Variants in BRD3 observed in about 807,000 individuals in gnomAD.
BRD3 encodes bromodomain containing 3, also known as bromodomain-containing protein 3.
BRD3 carries 17 observed loss-of-function variants against 66.8 expected under a neutral mutation model. The observed-to-expected ratio is 0.25, with a 90% CI of 0.17 to 0.38. The LOEUF is 0.38. Among genes scored for constraint, BRD3 ranks in the 10% least tolerant of loss-of-function variants. The probability of loss-of-function intolerance (pLI) is 1.00; values close to 1 mark genes in which losing one functional copy is unlikely to be tolerated. For missense variants in BRD3, 713 were observed against 956.1 expected (o/e 0.75, Z 3.35); for synonymous variants, 421 against 393.2 (o/e 1.07, Z -0.84).
At chr9:134,051,964 C>T (rs1187556586) in intron 3 of BRD3, among the ~76,000 whole-genome samples, 1 of 148,420 alleles carries the variant, frequency 6.7e-6, no homozygotes, top group Admixed American at 6.8e-5. Context: ...GATCTCGGCT[C>T]ACTGCAACCT....
chr9:134,036,940 G>A (rs1564547813), intron 9 of BRD3, among the ~76,000 whole-genome samples: 2 of 152,150 alleles, frequency 1.3e-5, no homozygotes, highest in Non-Finnish European at 2.9e-5. Flanking sequence ...GAACCAGGGA[G>A]GCGGAGGCTG....
chr9:134,066,421 C>A (rs1830655049), intron 1 of BRD3, among the ~76,000 whole-genome samples: 1 of 152,212 alleles, frequency 6.6e-6, no homozygotes, highest in Admixed American at 6.5e-5. Flanking sequence ...GGCTCCCTAA[C>A]CCCCGAGGCC....
At position 134,031,791 on chromosome 9, in the gene BRD3, A is replaced by G. The variant is rs75833842; in HGVS notation, c.*1799T>C. On this transcript the variant is annotated 3_prime_UTR_variant, in exon 12 of 12. Transcript: ENST00000303407. The stretch of plus-strand genomic sequence containing the variant: ...CCTATATCCATCCAGAAATGCTGGC[A>G]GAAAGCACTGGCCACCATACAGGAC... 1,633 of 218,974 alleles carry G rather than the reference A, an allele frequency of 7.5e-3. 20 individuals are homozygous for G. Among genetic ancestry groups the G allele is most frequent in the African/African-American group, 0.034 (1,503 of 44,480 alleles). 13.6% of individuals were successfully genotyped at this position (218,974 alleles called of 1,614,324 possible). A position where few individuals can be genotyped will look rare whatever the true frequency, so the allele number is the denominator to read the frequency against.
chr9:134,042,439 G>C (rs764590274), intron 7 of BRD3, among the ~76,000 whole-genome samples: 2 of 152,080 alleles, frequency 1.3e-5, no homozygotes, highest in Admixed American at 6.6e-5. Flanking sequence ...TGGCTTAAAA[G>C]GCCAAAGTCT....
rs1469727549 is a variant in BRD3 at position 134,045,751 on chromosome 9, A to G, written c.1087-330T>C. 1.1e-4 allele frequency among the ~76,000 whole-genome samples: 16 copies of G among 152,134 alleles called. No individual in the cohort carries two copies. The highest frequency in any genetic ancestry group is 2.9e-5 in the Non-Finnish European group (2 of 68,016). On this transcript the variant is annotated intron_variant, in intron 6 of 11. Coordinates refer to ENST00000303407, the MANE Select transcript of BRD3 (RefSeq NM_007371.4). This position sits in a 1 kb window ranked among gnomAD's most constrained non-coding sequence, Gnocchi z 4.8. Reference sequence around the variant, plus strand: ...CCTTCCTTGTCCAGAGCTTCCCTTCACACAAAGCGGGTAAATCTTCACACG... The same window carrying G: ...CCTTCCTTGTCCAGAGCTTCCCTTCGCACAAAGCGGGTAAATCTTCACACG...
intron 1 of BRD3, among the ~76,000 whole-genome samples, chr9:134,056,253 A>C (rs1830422534): frequency 6.6e-6 from 1 of 152,216 alleles, no homozygotes; most frequent in Admixed American, 6.5e-5. Context: ...TGGTCACTAC[A>C]GGCCCTGAGG....
rs201361404 is a variant in BRD3, at chr9:134,053,464, G to A, written c.14C>T (p.Thr5Met). Residue 5 changes from threonine (T) to methionine (M), a missense_variant, in exon 2 of 12, where the codon ACG becomes ATG. Thr to Met is a moderately conservative substitution (Grantham distance 81). Coordinates refer to ENST00000303407, the MANE Select transcript of BRD3 (RefSeq NM_007371.4). MSTA[T>M]TVAPAGIPAT... is the part of the protein sequence containing the mutation. ...CGGGATCCCCGCGGGGGCGACTGTC[G>A]TGGCGGTGGACATCCTCCGGCAGCT... The A allele has an allele frequency of 7.1e-5, 113 of 1,600,458 alleles. No homozygotes were observed. Among genetic ancestry groups the A allele is most frequent in the Admixed American group, 6.4e-4 (38 of 59,494 alleles).
intron 2 of BRD3, 60 bp downstream of exon 2, chr9:134,053,205 G>C: frequency 6.4e-7 from 1 of 1,568,076 alleles, no homozygotes; most frequent in South Asian, 1.1e-5. Flanking sequence ...GGGGCAGCAG[G>C]AGGGGGACAG....
intron 5 of BRD3, among the ~76,000 whole-genome samples, chr9:134,048,880 A>G (rs113904053): frequency 2.6e-5 from 4 of 152,316 alleles, no homozygotes; most frequent in East Asian, 1.9e-4. Flanking sequence ...TGCTTCCAGG[A>G]AAGTTCCAGA....
chr9:134,040,367 G>C (rs1404550683), intron 8 of BRD3, 98 bp from the exon 9 acceptor site: 2 of 1,385,814 alleles, frequency 1.4e-6, no homozygotes, highest in African/African-American at 2.9e-5. Context: ...GGCGATGTCG[G>C]AGCTGCCTCA....
chr9:134,039,835 G>A (rs533670529), intron 9 of BRD3, among the ~76,000 whole-genome samples, 199 bp downstream of exon 9: 13 of 151,650 alleles, frequency 8.6e-5, no homozygotes, highest in East Asian at 5.8e-4. Context: ...GGCCAGCCCC[G>A]CAGACAACTG....
chr9:134,063,021 C>G (rs540772706), intron 1 of BRD3, among the ~76,000 whole-genome samples: 16 of 152,292 alleles, frequency 1.1e-4, no homozygotes, highest in African/African-American at 3.8e-4. Flanking sequence ...GCCGGCCTGA[C>G]AAGAACCAAA....
intron 8 of BRD3, 71 bp downstream of exon 8, chr9:134,041,689 C>T (rs778620896): frequency 3.8e-5 from 59 of 1,533,444 alleles, no homozygotes; most frequent in Non-Finnish European, 4.2e-5. Context: ...TGCAAAGGGA[C>T]GGACCTTGGG....
intron 1 of BRD3, among the ~76,000 whole-genome samples, chr9:134,060,704 T>C (rs1014345317): frequency 6.6e-6 from 1 of 152,074 alleles, no homozygotes; most frequent in African/African-American, 2.4e-5. Flanking sequence ...ACTAGCCCCC[T>C]TCCTGGGTCC....
At position 134,062,080 on chromosome 9, in the gene BRD3, A is replaced by G. The variant is rs1830554879; in HGVS notation, c.-114+5865T>C. 2.0e-5 allele frequency among the ~76,000 whole-genome samples: 3 copies of G among 152,274 alleles called. No homozygotes were observed. The South Asian group carries it at 6.2e-4, about 32-fold the overall frequency. On this transcript the variant is annotated intron_variant, in intron 1 of 11. Coordinates refer to ENST00000303407, the MANE Select transcript of BRD3 (RefSeq NM_007371.4). ...CGGAGCCAACTGCTTCCTTCTATGG[A>G]GCCAGGGGAGAAGTCGGGGGTTGGG...
chr9:134,040,945 T>C (rs1034753796), intron 8 of BRD3, among the ~76,000 whole-genome samples: 3 of 152,072 alleles, frequency 2.0e-5, no homozygotes, highest in African/African-American at 4.8e-5. Context: ...GCACTGCCCA[T>C]GTGAGTCCAC....
rs1224775109 is a variant in BRD3, at chr9:134,033,981, C to A, written c.2066-276G>T. Among the ~76,000 whole-genome samples the A allele has an allele frequency of 6.6e-6, 1 of 152,218 alleles. No individual in the cohort carries two copies. The highest frequency in any genetic ancestry group is 2.4e-5 in the African/African-American group (1 of 41,452). On this transcript the variant is annotated intron_variant, in intron 11 of 11. Transcript: ENST00000303407. This position sits in a 1 kb window ranked among gnomAD's most constrained non-coding sequence, Gnocchi z 5.1. ...AAAACATCCACCAGTCACATGGCCA[C>A]CAGCAGCGACAGGAACACCAGCTGC...
intron 6 of BRD3, among the ~76,000 whole-genome samples, chr9:134,047,840 C>T (rs1197402108): frequency 1.1e-4 from 16 of 152,228 alleles, no homozygotes; most frequent in Admixed American, 8.5e-4. Context: ...AATCACTAAA[C>T]GGGTTCGATG....
At chr9:134,059,988 G>A (rs972158111) in intron 1 of BRD3, among the ~76,000 whole-genome samples, 5 of 152,214 alleles carry the variant, frequency 3.3e-5, no homozygotes, top group African/African-American at 1.2e-4. Flanking sequence ...GGGCACTGCA[G>A]GACAGGGATG....
Sources: gnomAD v4.1 joint callset for allele counts (sites outside exome capture counted in the v4.1 genomes callset) on GRCh38, gnomAD v4.1.1 for gene constraint, Gnocchi (gnomAD v3.1) non-coding constraint, MANE v1.5 for transcripts, NCBI Gene and HGNC (gene_info 2026-07-23, HGNC 2026-07-21) for gene names.